Variants in PCNX2 observed in about 807,000 individuals in gnomAD.
The protein encoded by PCNX2 is pecanex 2.
A neutral mutation model predicts 223.8 loss-of-function variants in PCNX2; 168 were observed. The observed-to-expected ratio is 0.75, with a 90% CI of 0.66 to 0.85. The LOEUF is 0.85. Among genes scored for constraint, PCNX2 ranks in the 40% least tolerant of loss-of-function variants. The pLI is 0.00. For synonymous variants in PCNX2, 1,006 were observed against 1,052.6 expected, an observed-to-expected ratio of 0.96 and a Z score of 0.86; for missense variants, 2,507 against 2,675.5, an observed-to-expected ratio of 0.94 and a Z score of 1.39.
the PCNX2 span, among the ~76,000 whole-genome samples, chr1:233,313,092 A>G: frequency 1.3e-5 from 2 of 152,218 alleles, no homozygotes; most frequent in Non-Finnish European, 2.9e-5. Flanking sequence ...TAGAAATAAA[A>G]TGTTGATCTC....
At chr1:233,262,860 G>T (rs1462217982) in intron 2 of PCNX2, 98 bp downstream of exon 2, 2 of 1,096,528 alleles carry the variant, frequency 1.8e-6, no homozygotes, top group African/African-American at 3.1e-5. Context: ...ATTTCTGTCT[G>T]CCTATACTAG....
At chr1:232,995,268 C>G (rs1045302284) in intron 32 of PCNX2, among the ~76,000 whole-genome samples, 1 of 152,164 alleles carries the variant, frequency 6.6e-6, no homozygotes, top group Non-Finnish European at 1.5e-5. Flanking sequence ...CTCCATCCCC[C>G]TAAGCAGGAC....
In PCNX2 at chr1:233,227,693, T is replaced by C. The variant is rs538714869; in HGVS notation, c.2359-322A>G. ...TAAGGCCAAGAAACTGCTATAAAAATAGTTCTTATGAAAAGTAGGAATTCA... is the reference window on the plus strand; with the variant it reads ...TAAGGCCAAGAAACTGCTATAAAAACAGTTCTTATGAAAAGTAGGAATTCA... On this transcript the variant is annotated intron_variant, in intron 9 of 33. Transcript: ENST00000258229. Among the ~76,000 whole-genome samples the C allele has an allele frequency of 2.6e-5, 4 of 152,294 alleles. No homozygotes were observed. The South Asian group carries it at 6.2e-4, about 24-fold the overall frequency.
intron 19 of PCNX2, among the ~76,000 whole-genome samples, chr1:233,141,763 GTATATGTATA>G (rs1677135189): frequency 2.4e-5 from 3 of 127,180 alleles, no homozygotes; most frequent in Admixed American, 2.3e-4. Flanking sequence ...ATATGTGTGT[GTATATGTATA>G]TGTGTGTGTG....
upstream of PCNX2, among the ~76,000 whole-genome samples, chr1:233,296,697 C>T (rs1278243262): frequency 6.6e-6 from 1 of 152,182 alleles, no homozygotes; most frequent in African/African-American, 2.4e-5. Context: ...CCCAACACGC[C>T]TTCCCTGCAT....
At chr1:233,088,425 C>A (rs1302549506) in intron 23 of PCNX2, among the ~76,000 whole-genome samples, 1 of 152,154 alleles carries the variant, frequency 6.6e-6, no homozygotes, top group Non-Finnish European at 1.5e-5. Context: ...TTTCCAGAAG[C>A]ATGACTTTCA....
In PCNX2 at chr1:232,986,245, C is replaced by G. The variant is rs1475912285; in HGVS notation, c.6087G>C (p.Leu2029=). Residue 2029 remains leucine, a synonymous_variant, in exon 33 of 34, where the codon CTG becomes CTC. Transcript: ENST00000258229. Reference sequence around the variant, plus strand: ...AGCTCCTCTTGCCGAAGAGGAAGCTCAGGGTGGAGCTGGTGGAGGAGCCCA... The same window carrying G: ...AGCTCCTCTTGCCGAAGAGGAAGCTGAGGGTGGAGCTGGTGGAGGAGCCCA... ...SSLGSSTSST[L]SFLFGKRSFS... The G allele has an allele frequency of 2.6e-6, 4 of 1,560,552 alleles. No homozygotes were observed. The Admixed American group carries it at 7.7e-5, about 30-fold the overall frequency.
At position 233,097,357 on chromosome 1, in the gene PCNX2, A is replaced by G. The variant is rs926917609; in HGVS notation, c.3838-1494T>C. On this transcript the variant is annotated intron_variant, in intron 21 of 33. Coordinates refer to ENST00000258229, the MANE Select transcript of PCNX2 (RefSeq NM_014801.4). ...AGGGAGGATTAAAAAAAAAAAGCAAAGAAATGAAAAATGACAGGAAAACTA... is the reference window on the plus strand; with the variant it reads ...AGGGAGGATTAAAAAAAAAAAGCAAGGAAATGAAAAATGACAGGAAAACTA... Among the ~76,000 whole-genome samples the G allele has an allele frequency of 8.5e-5, 13 of 152,168 alleles. No individual in the cohort carries two copies. The East Asian group carries it at 9.6e-4, about 11-fold the overall frequency.
intron 9 of PCNX2, among the ~76,000 whole-genome samples, chr1:233,235,566 A>G (rs190681380): frequency 5.1e-4 from 78 of 152,256 alleles, no homozygotes; most frequent in African/African-American, 1.9e-3. Context: ...ACAGCTGGGT[A>G]ATGGTGTATA....
chr1:233,021,908 G>A (rs1572020168), intron 26 of PCNX2, among the ~76,000 whole-genome samples: 1 of 152,276 alleles, frequency 6.6e-6, no homozygotes, highest in African/African-American at 2.4e-5. Context: ...AAAAAAGAAA[G>A]GTGAGTATCA....
chr1:233,215,091 C>T (rs919163213), intron 12 of PCNX2, among the ~76,000 whole-genome samples: 1 of 152,086 alleles, frequency 6.6e-6, no homozygotes, highest in Non-Finnish European at 1.5e-5. Flanking sequence ...TTTCACAGCC[C>T]CTTATGAATA....
intron 19 of PCNX2, among the ~76,000 whole-genome samples, chr1:233,156,291 C>T (rs1274435739): frequency 6.6e-6 from 1 of 152,332 alleles, no homozygotes; most frequent in East Asian, 1.9e-4. Flanking sequence ...GTTATCTCCA[C>T]ATTCTACCAA....
intron 28 of PCNX2, among the ~76,000 whole-genome samples, chr1:233,010,015 C>T (rs1403859226): frequency 6.6e-6 from 1 of 152,164 alleles, no homozygotes; most frequent in Non-Finnish European, 1.5e-5. Context: ...GTGATTTTAG[C>T]TTGATAACAT....
At chr1:233,053,721 G>A (rs1203545948) in intron 25 of PCNX2, among the ~76,000 whole-genome samples, 2 of 152,166 alleles carry the variant, frequency 1.3e-5, no homozygotes, top group Admixed American at 1.3e-4. Context: ...GAAAACTGGA[G>A]TTATACTTTC....
At chr1:233,301,812 T>TTC in the PCNX2 span, among the ~76,000 whole-genome samples, 11 of 151,010 alleles carry the variant, frequency 7.3e-5, no homozygotes, top group South Asian at 6.3e-4. Flanking sequence ...TTTTTTTTTT[T>TTC]CCAGAGTCTT....
At chr1:233,017,548 C>G (rs1341168972) in intron 26 of PCNX2, among the ~76,000 whole-genome samples, 1 of 152,048 alleles carries the variant, frequency 6.6e-6, no homozygotes, top group African/African-American at 2.4e-5. Flanking sequence ...GATCTCCTGA[C>G]CTCGTGATCC....
chr1:233,052,206 G>T (rs999977307), intron 25 of PCNX2, among the ~76,000 whole-genome samples: 2 of 152,136 alleles, frequency 1.3e-5, no homozygotes, highest in Non-Finnish European at 2.9e-5. Context: ...ATTTATTTAG[G>T]AATGTGAAAA....
chr1:233,057,284 C>T lies in PCNX2; in HGVS notation c.4083G>A (p.Arg1361=), dbSNP rs748337674. ...VKFWEKNYNT[R]RVDNSNTRLA... is the part of the protein sequence containing the mutation. The stretch of plus-strand genomic sequence containing the variant: ...GTCTTGTGTTGGAATTATCCACTCG[C>T]CTTGTACTAGAAGAGGCCACAAAAG... Residue 1361 remains arginine (R), a synonymous_variant, in exon 24 of 34, where the codon AGG becomes AGA. Coordinates refer to ENST00000258229, the MANE Select transcript of PCNX2 (RefSeq NM_014801.4). The T allele has an allele frequency of 1.2e-6, 2 of 1,609,286 alleles. No individual in the cohort carries two copies. Among genetic ancestry groups the T allele is most frequent in the South Asian group, 2.2e-5 (2 of 90,320 alleles).
In PCNX2 at chr1:233,089,749, T is replaced by C. The variant is rs921209349; in HGVS notation, c.4076+312A>G. 2.4e-5 allele frequency: 12 copies of C among 502,556 alleles called. No individual in the cohort carries two copies. The Admixed American group carries it at 3.0e-4, about 13-fold the overall frequency. 31.1% of individuals were successfully genotyped at this position (502,556 alleles called of 1,614,324 possible). A position where few individuals can be genotyped will look rare whatever the true frequency, so the allele number is the denominator to read the frequency against. On this transcript the variant is annotated intron_variant, in intron 23 of 33. Coordinates refer to ENST00000258229, the MANE Select transcript of PCNX2 (RefSeq NM_014801.4). The stretch of plus-strand genomic sequence containing the variant: ...GGCCATCTTGGCATATCAAAGGACA[T>C]TAACAGTGGCTTGTACCTTCCCCTA...
Sources: allele counts gnomAD v4.1 joint callset (sites outside exome capture counted in the v4.1 genomes callset), GRCh38; gene constraint gnomAD v4.1.1; transcripts MANE v1.5; gene names NCBI Gene and HGNC (gene_info 2026-07-23, HGNC 2026-07-21).